Variants in SESN1 observed in about 807,000 individuals in gnomAD.
The protein encoded by SESN1 is sestrin 1.
A neutral mutation model predicts 59.3 loss-of-function variants in SESN1; 30 were observed. The observed-to-expected ratio is 0.51, with a 90% CI of 0.38 to 0.69. SESN1 has a LOEUF of 0.69. Among genes scored for constraint, SESN1 ranks in the 30% least tolerant of loss-of-function variants. The pLI is 0.00. For synonymous variants in SESN1, 197 were observed against 219.9 expected (o/e 0.90, Z 0.92); for missense variants, 566 against 673.0 (o/e 0.84, Z 1.76).
chr6:109,045,319 C>T (rs530857616), intron 1 of SESN1, among the ~76,000 whole-genome samples: 4 of 152,340 alleles, frequency 2.6e-5, no homozygotes, highest in African/African-American at 7.2e-5. Context: ...AGCCTCCTTT[C>T]TGTCTCAATG....
chr6:109,019,471 T>C (rs985966442), intron 1 of SESN1, among the ~76,000 whole-genome samples: 2 of 152,244 alleles, frequency 1.3e-5, no homozygotes, highest in Non-Finnish European at 2.9e-5. Context: ...CTCTACTGAA[T>C]TATAGACCAA....
chr6:109,000,836 A>G (rs920345579), intron 3 of SESN1, among the ~76,000 whole-genome samples, 163 bp from the exon 4 acceptor site: 8 of 152,194 alleles, frequency 5.3e-5, no homozygotes. Context: ...TAAAAATTCA[A>G]ATACTGTAAG....
chr6:109,075,904 C>T (rs997347884), intron 1 of SESN1, among the ~76,000 whole-genome samples: 6 of 152,210 alleles, frequency 3.9e-5, no homozygotes, highest in Admixed American at 6.5e-5. Context: ...TCTTTTTCCT[C>T]GGCTTGTGGA....
intron 1 of SESN1, among the ~76,000 whole-genome samples, chr6:109,031,899 T>C (rs1014084590): frequency 1.1e-4 from 17 of 152,200 alleles, no homozygotes; most frequent in African/African-American, 4.1e-4. Flanking sequence ...TAATGAAATA[T>C]CTTGGGGATG....
chr6:108,984,587 C>A lies in SESN1; in HGVS notation c.*2957G>T, dbSNP rs1287522749. 6.6e-6 allele frequency among the ~76,000 whole-genome samples: 1 copy of A among 152,182 alleles called. No individual in the cohort carries two copies. The highest frequency in any genetic ancestry group is 2.4e-5 in the African/African-American group (1 of 41,440). On this transcript the variant is annotated 3_prime_UTR_variant, in exon 10 of 10. Transcript: ENST00000436639. ...TCAGCATACAACATACATCAACATACAAATGTAGGGGAAGACACAAACATT... is the reference window on the plus strand; with the variant it reads ...TCAGCATACAACATACATCAACATAAAAATGTAGGGGAAGACACAAACATT...
At chr6:108,996,693 T>C (rs1052814785) in intron 5 of SESN1, among the ~76,000 whole-genome samples, 1 of 152,118 alleles carries the variant, frequency 6.6e-6, no homozygotes, top group African/African-American at 2.4e-5. Flanking sequence ...GTAAGAAAAC[T>C]CTTTTTTCTT....
At chr6:109,055,228 T>C (rs1274444793) in intron 1 of SESN1, among the ~76,000 whole-genome samples, 1 of 152,244 alleles carries the variant, frequency 6.6e-6, no homozygotes, top group African/African-American at 2.4e-5. Context: ...GTTCAATTTA[T>C]TTTTTGCATC....
chr6:109,008,869 T>A, intron 1 of SESN1: 1 of 985,858 alleles, frequency 1.0e-6, no homozygotes, highest in Non-Finnish European at 1.2e-6. Flanking sequence ...CTTCCCTGAG[T>A]CAAATGTGTT....
intron 1 of SESN1, among the ~76,000 whole-genome samples, chr6:109,089,961 T>A (rs932939653): frequency 6.6e-6 from 1 of 152,162 alleles, no homozygotes; most frequent in Non-Finnish European, 1.5e-5. Flanking sequence ...TATCAATCAC[T>A]ATACTACCTT....
At chr6:108,998,122 C>T (rs1779538494) in intron 5 of SESN1, among the ~76,000 whole-genome samples, 2 of 152,092 alleles carry the variant, frequency 1.3e-5, no homozygotes, top group Admixed American at 6.6e-5. Flanking sequence ...TTATTTTGTG[C>T]AAAAGAGAAG....
chr6:108,989,128 G>A (rs1362511899), intron 8 of SESN1, among the ~76,000 whole-genome samples: 4 of 151,900 alleles, frequency 2.6e-5, no homozygotes, highest in Non-Finnish European at 5.9e-5. Context: ...TCAGCCTCCC[G>A]AGAAGCTAGG....
At position 109,032,133 on chromosome 6, in the gene SESN1, G is replaced by A. The variant is rs369379802; in HGVS notation, c.280-29790C>T. On this transcript the variant is annotated intron_variant, in intron 1 of 9. Transcript: ENST00000436639. ...AAAAATACAAAAAAATTAGCCAGGC[G>A]TGGTGGTTCATGCCTGTAATCCCAG... 4.3e-4 allele frequency among the ~76,000 whole-genome samples: 66 copies of A among 152,296 alleles called. No homozygotes were observed. In the South Asian group the frequency reaches 4.3e-3, roughly 10 times the overall value.
intron 8 of SESN1, among the ~76,000 whole-genome samples, chr6:108,989,127 C>T (rs1399839888): frequency 4.6e-5 from 7 of 152,016 alleles, no homozygotes; most frequent in South Asian, 2.1e-4. Context: ...CTCAGCCTCC[C>T]GAGAAGCTAG....
At chr6:109,093,377 T>C (rs1781371888) in intron 1 of SESN1, among the ~76,000 whole-genome samples, 2 of 152,184 alleles carry the variant, frequency 1.3e-5, no homozygotes. Context: ...TTGTTTTGTT[T>C]TTAAAAATAA....
intron 9 of SESN1, 75 bp from the exon 10 acceptor site, chr6:108,987,705 A>G (rs1779236696): frequency 6.3e-6 from 5 of 788,742 alleles, no homozygotes; most frequent in South Asian, 1.5e-5. Flanking sequence ...AATCTAATGA[A>G]CACATAAAAT....
rs2273668 is a variant in SESN1 at position 109,002,316 on chromosome 6, G to T, written c.307C>A (p.Leu103Ile). 0.12 allele frequency: 186,720 copies of T among 1,611,464 alleles called. 11,940 individuals carry two copies. Among genetic ancestry groups the T allele is most frequent in the South Asian group, 0.19 (17,220 of 90,954 alleles). The change falls in exon 2 of 10, where the codon CTA (leucine) becomes ATA (isoleucine). Residue 103 changes from leucine (L) to isoleucine (I), a missense_variant. Physicochemically the swap from Leu to Ile is conservative, Grantham distance 5. Transcript: ENST00000436639. ...ATGAATCTGCTTGGTCCCTGTCCTA[G>T]TGGTCGAGGAATTCTAATGCCAAGT... Reference protein sequence around the residue: ...QELGIRIPRPLGQGPSRFIPE... With the variant: ...QELGIRIPRPIGQGPSRFIPE...
At position 109,001,423 on chromosome 6, in the gene SESN1, C is replaced by T. The variant is rs777817580; in HGVS notation, c.411G>A (p.Leu137=). 1.2e-6 allele frequency: 2 copies of T among 1,613,734 alleles called. No homozygotes were observed. Among genetic ancestry groups the T allele is most frequent in the Non-Finnish European group, 1.7e-6 (2 of 1,179,794 alleles). The change falls in exon 3 of 10, where the codon TTG becomes TTA. Residue 137 remains leucine (L), a synonymous_variant. Coordinates refer to ENST00000436639, the MANE Select transcript of SESN1 (RefSeq NM_014454.3). ...CTAACGTAATGTTATCCAAACGGCC[C>T]AAAGCAGCAAAAGAATCTGCAAATA... ...HALFADSFAA[L]GRLDNITLVM... is the part of the protein sequence containing the mutation.
At chr6:109,055,661 C>CAAAA (rs577017689) in intron 1 of SESN1, among the ~76,000 whole-genome samples, 264 of 46,974 alleles carry the variant, frequency 5.6e-3, no homozygotes, top group Middle Eastern at 0.01. Context: ...GACTCCACCT[C>CAAAA]AAAAAAAAAA....
In SESN1 at chr6:109,025,527, A is replaced by C. The variant is rs4435979; in HGVS notation, c.280-23184T>G. Among the ~76,000 whole-genome samples, 548 of 150,772 alleles carry C rather than the reference A, an allele frequency of 3.6e-3. 3 individuals carry two copies. The highest frequency in any genetic ancestry group is 0.013 in the African/African-American group (522 of 40,902). On this transcript the variant is annotated intron_variant, in intron 1 of 9. Coordinates refer to ENST00000436639, the MANE Select transcript of SESN1 (RefSeq NM_014454.3). ...CAAAGTCAGATGCAGTCTGACTGCC[A>C]GAAATCATCTGCAAAGACTTTGGAT... is the stretch of plus-strand genomic sequence containing the variant.
Sources: allele counts gnomAD v4.1 joint callset (sites outside exome capture counted in the v4.1 genomes callset), GRCh38; gene constraint gnomAD v4.1.1; transcripts MANE v1.5; gene names NCBI Gene and HGNC (gene_info 2026-07-23, HGNC 2026-07-21).